Variants in CCDC102B observed in about 807,000 individuals in gnomAD.
CCDC102B encodes the protein coiled-coil domain containing 102B.
Under a neutral mutation model 57.4 loss-of-function variants are expected in CCDC102B, and 75 were observed. The ratio of observed to expected loss-of-function variants is 1.31; its 90% confidence interval spans 1.08 to 1.58. CCDC102B has a LOEUF of 1.58. CCDC102B is among the 40% of genes most tolerant of loss of function. The probability of loss-of-function intolerance (pLI) is 0.00; values close to 1 mark genes in which losing one functional copy is unlikely to be tolerated. For missense variants in CCDC102B, 636 were observed against 582.6 expected, an observed-to-expected ratio of 1.09 and a Z score of -0.94; for synonymous variants, 206 against 201.9, an observed-to-expected ratio of 1.02 and a Z score of -0.17.
intron 6 of CCDC102B, among the ~76,000 whole-genome samples, chr18:68,906,990 A>G (rs1032516622): frequency 6.6e-6 from 1 of 151,904 alleles, no homozygotes; most frequent in African/African-American, 2.4e-5. Context: ...TTGTATATGT[A>G]AGAAAGAGGT....
Position 68,785,521 on chromosome 18 carries a change from T to C in CCDC102B, c.-66-37845T>C, listed in dbSNP as rs1407037208. Among the ~76,000 whole-genome samples the C allele has an allele frequency of 7.2e-5, 11 of 151,858 alleles. No homozygotes were observed. In the East Asian group the frequency reaches 1.9e-3, roughly 27 times the overall value. On this transcript the variant is annotated intron_variant, in intron 2 of 3. Coordinates refer to the CCDC102B transcript ENST00000578970. ...CCTGACTTTTTAATGATTGCCATTC[T>C]AACTGGTGTGAGATGGTATCTCACT...
rs114047340 is a variant in CCDC102B at position 68,743,949 on chromosome 18, G to A, written c.-67+27355G>A. On this transcript the variant is annotated intron_variant, in intron 2 of 3. Coordinates refer to the CCDC102B transcript ENST00000578970. ...TAAATTAATTTTTTTGTCCTACAAG[G>A]TTAAGACATTTTTATTTTGGATTTA... Among the ~76,000 whole-genome samples the A allele has an allele frequency of 6.7e-3, 1,022 of 152,270 alleles. 11 individuals are homozygous for A. The highest frequency in any genetic ancestry group is 0.023 in the African/African-American group (974 of 41,564).
chr18:68,851,784 TAA>T (rs2038138102), intron 4 of CCDC102B, among the ~76,000 whole-genome samples: 1 of 152,102 alleles, frequency 6.6e-6, no homozygotes. Flanking sequence ...AAAAGTAGAC[TAA>T]AAATATATAA....
At chr18:68,766,451 T>C (rs951734959) in intron 2 of CCDC102B, among the ~76,000 whole-genome samples, 27 of 152,186 alleles carry the variant, frequency 1.8e-4, no homozygotes, top group African/African-American at 5.5e-4. Flanking sequence ...AAGTGGAAAT[T>C]CTTACCCACG....
intron 6 of CCDC102B, among the ~76,000 whole-genome samples, chr18:68,955,630 G>A (rs4474788): frequency 6.6e-6 from 1 of 150,706 alleles, no homozygotes; most frequent in African/African-American, 2.4e-5. Context: ...TTCCTTTTTT[G>A]TTTTTTTGCT....
At chr18:68,947,457 A>T in intron 6 of CCDC102B, among the ~76,000 whole-genome samples, 1 of 152,084 alleles carries the variant, frequency 6.6e-6, no homozygotes, top group Non-Finnish European at 1.5e-5. Flanking sequence ...TATGTTAAAA[A>T]TGAGGAAGTA....
At chr18:68,772,783 A>G (rs1351749041) in intron 2 of CCDC102B, among the ~76,000 whole-genome samples, 1 of 152,156 alleles carries the variant, frequency 6.6e-6, no homozygotes, top group Non-Finnish European at 1.5e-5. Flanking sequence ...CACTCTAAAC[A>G]GACTAATTAA....
chr18:68,853,854 G>A (rs2038258434), intron 4 of CCDC102B, among the ~76,000 whole-genome samples: 1 of 151,890 alleles, frequency 6.6e-6, no homozygotes, highest in Non-Finnish European at 1.5e-5. Context: ...GTGTGTGTTT[G>A]CACTTCAGCA....
chr18:68,736,884 C>T (rs1432927743), intron 2 of CCDC102B, among the ~76,000 whole-genome samples: 1 of 151,876 alleles, frequency 6.6e-6, no homozygotes, highest in Non-Finnish European at 1.5e-5. Flanking sequence ...ATCTTATGTT[C>T]TTTTTTATAC....
chr18:69,046,947 T>C (rs113794301), intron 7 of CCDC102B, among the ~76,000 whole-genome samples: 169 of 152,254 alleles, frequency 1.1e-3, no homozygotes, highest in African/African-American at 3.6e-3. Flanking sequence ...TCTGTTTCAT[T>C]GGTCTATGTG....
At chr18:68,765,361 G>A (rs911548698) in intron 2 of CCDC102B, among the ~76,000 whole-genome samples, 3 of 126,654 alleles carry the variant, frequency 2.4e-5, no homozygotes, top group African/African-American at 9.1e-5. Context: ...AAGAAAGAAA[G>A]AAAGAAAGAA....
chr18:69,011,817 T>TTTGAAAGA (rs2051526529), intron 7 of CCDC102B, among the ~76,000 whole-genome samples: 1 of 152,118 alleles, frequency 6.6e-6, no homozygotes, highest in Non-Finnish European at 1.5e-5. Context: ...AACCCATAGT[T>TTTGAAAGA]CCCTGGTTAG....
intron 2 of CCDC102B, among the ~76,000 whole-genome samples, chr18:68,777,033 A>T (rs1251690156): frequency 1.3e-5 from 2 of 151,992 alleles, no homozygotes; most frequent in African/African-American, 4.8e-5. Context: ...AATATTTGTG[A>T]TCTTGGTTGA....
intron 2 of CCDC102B, among the ~76,000 whole-genome samples, chr18:68,728,514 A>G (rs1333845635): frequency 6.6e-6 from 1 of 152,178 alleles, no homozygotes; most frequent in Non-Finnish European, 1.5e-5. Flanking sequence ...CACCAAGATT[A>G]TGTTGCAACT....
chr18:68,997,885 T>C (rs1056956665), intron 6 of CCDC102B, among the ~76,000 whole-genome samples: 2 of 152,134 alleles, frequency 1.3e-5, no homozygotes, highest in African/African-American at 2.4e-5. Context: ...ATTGCTGTAG[T>C]TTAAGCTCTT....
chr18:68,766,570 A>G (rs1288360453), intron 2 of CCDC102B, among the ~76,000 whole-genome samples: 1 of 152,202 alleles, frequency 6.6e-6, no homozygotes, highest in Non-Finnish European at 1.5e-5. Flanking sequence ...AGTCCTTAAT[A>G]AGGCACTGTG....
intron 7 of CCDC102B, among the ~76,000 whole-genome samples, chr18:69,031,640 T>C (rs1211884255): frequency 1.3e-5 from 2 of 152,086 alleles, no homozygotes; most frequent in Non-Finnish European, 2.9e-5. Context: ...TTTTCAAAAC[T>C]TTTTTGGATG....
At chr18:68,913,977 A>G (rs2040974807) in intron 6 of CCDC102B, among the ~76,000 whole-genome samples, 1 of 152,236 alleles carries the variant, frequency 6.6e-6, no homozygotes, top group African/African-American at 2.4e-5. Flanking sequence ...CTTTGGAATT[A>G]CTAGGCATGT....
intron 4 of CCDC102B, among the ~76,000 whole-genome samples, chr18:68,856,081 G>A (rs1218899272): frequency 4.6e-5 from 7 of 151,962 alleles, no homozygotes; most frequent in South Asian, 2.1e-4. Context: ...CATAGTTGGC[G>A]CTATTTCTTT....
Sources: allele counts gnomAD v4.1 joint callset (sites outside exome capture counted in the v4.1 genomes callset), GRCh38; gene constraint gnomAD v4.1.1; transcripts MANE v1.5; gene names NCBI Gene and HGNC (gene_info 2026-07-23, HGNC 2026-07-21).